Variants in GABRP observed in about 807,000 individuals in gnomAD.
GABRP encodes gamma-aminobutyric acid type A receptor subunit pi.
Under a neutral mutation model 47.8 loss-of-function variants are expected in GABRP, and 52 were observed. That is an observed-to-expected ratio of 1.09 (90% CI 0.87 to 1.37). The LOEUF (loss-of-function observed/expected upper bound fraction) is 1.37. GABRP is among the 40% of genes most tolerant of loss of function. GABRP has a pLI of 0.00. For synonymous variants in GABRP, 221 were observed against 205.8 expected (o/e 1.07, Z -0.63); for missense variants, 525 against 542.8 (o/e 0.97, Z 0.33).
intron 6 of GABRP, 118 bp from the exon 7 acceptor site, chr5:170,805,598 T>G: frequency 8.7e-7 from 1 of 1,149,294 alleles, no homozygotes; most frequent in African/African-American, 1.5e-5. Context: ...GGATTGTCCT[T>G]GGACTTATCA....
chr5:170,786,513 A>C (rs759681817), intron 1 of GABRP, among the ~76,000 whole-genome samples: 1 of 152,198 alleles, frequency 6.6e-6, no homozygotes. Context: ...GCCATTAGAG[A>C]GAATAAGGCG....
At chr5:170,800,323 C>T (rs953777721) in intron 6 of GABRP, among the ~76,000 whole-genome samples, 1 of 152,180 alleles carries the variant, frequency 6.6e-6, no homozygotes, top group Non-Finnish European at 1.5e-5. Flanking sequence ...CTTCCTTACA[C>T]CTTATATGAA....
At chr5:170,784,030 C>A (rs1326192126) in intron 1 of GABRP, among the ~76,000 whole-genome samples, 156 bp downstream of exon 1, 2 of 152,198 alleles carry the variant, frequency 1.3e-5, no homozygotes, top group East Asian at 1.9e-4. Context: ...AGCAGCAGAG[C>A]CAAGATTAGA....
At chr5:170,803,573 T>C (rs530169625) in intron 6 of GABRP, among the ~76,000 whole-genome samples, 2 of 152,268 alleles carry the variant, frequency 1.3e-5, no homozygotes, top group Admixed American at 6.5e-5. Flanking sequence ...AGTGCAACCA[T>C]CACCACATGT....
rs748426651 is a variant in GABRP, at chr5:170,805,857, A to T, written c.679+4A>T. 4 of 1,613,372 alleles carry T rather than the reference A, an allele frequency of 2.5e-6. No homozygotes were observed. ...ACCAGATCGCAGCAGGAGACAGGTA[A>T]CTCATGTGACAAACTGTATGAAATA... On this transcript the variant is annotated splice_donor_region_variant and intron_variant, in intron 7 of 9. Transcript: ENST00000265294.
At chr5:170,804,625 T>C (rs1581603808) in intron 6 of GABRP, among the ~76,000 whole-genome samples, 2 of 152,304 alleles carry the variant, frequency 1.3e-5, no homozygotes, top group Non-Finnish European at 1.5e-5. Context: ...TATCTTTTTG[T>C]TTGCTTATGA....
In GABRP at chr5:170,789,159, C is replaced by T. The variant is rs749901338; in HGVS notation, c.84C>T (p.Val28=). Residue 28 remains valine (V), a synonymous_variant, in exon 3 of 10, where the codon GTC becomes GTT. Transcript: ENST00000265294. The stretch of plus-strand genomic sequence containing the variant: ...GCATCCAGGGGAGTCAGTTCAACGT[C>T]GAGGTCGGCAGAAGTGACAAGCTTT... ...RMCIQGSQFN[V]EVGRSDKLSL... The T allele has an allele frequency of 3.1e-6, 5 of 1,614,092 alleles. No homozygotes were observed. Among genetic ancestry groups the T allele is most frequent in the South Asian group, 2.2e-5 (2 of 91,086 alleles).
At chr5:170,810,034 C>A (rs758381757) in intron 9 of GABRP, 21 of 696,830 alleles carry the variant, frequency 3.0e-5, no homozygotes, top group South Asian at 2.9e-4. Flanking sequence ...CAGGAGCAAG[C>A]ATCCATGAAG....
At chr5:170,783,424 A>T (rs1015558198), upstream of GABRP, among the ~76,000 whole-genome samples, 1 of 152,112 alleles carries the variant, frequency 6.6e-6, no homozygotes, top group East Asian at 1.9e-4. Flanking sequence ...GCTGTCCACC[A>T]AATTCAGAGC....
intron 6 of GABRP, among the ~76,000 whole-genome samples, chr5:170,802,582 A>T (rs183904726): frequency 6.6e-6 from 1 of 152,244 alleles, no homozygotes; most frequent in Non-Finnish European, 1.5e-5. Flanking sequence ...TCCCACATGG[A>T]AAAAGCTATT....
At chr5:170,782,942 T>C (rs1765044943), upstream of GABRP, 2 of 152,334 alleles carry the variant, frequency 1.3e-5, no homozygotes, top group Non-Finnish European at 2.9e-5. Flanking sequence ...CCACTGGCTA[T>C]GATGAGGGGA....
chr5:170,797,401 G>A (rs115893027), intron 5 of GABRP, 65 bp from the exon 6 acceptor site: 24 of 1,008,260 alleles, frequency 2.4e-5, no homozygotes, highest in African/African-American at 1.7e-4. Flanking sequence ...GTGGGCCTTC[G>A]AAGGAATGTG....
intron 3 of GABRP, 127 bp from the exon 4 acceptor site, chr5:170,794,104 A>C: frequency 2.0e-6 from 1 of 498,308 alleles, no homozygotes; most frequent in Non-Finnish European, 3.3e-6. Flanking sequence ...ATATTTATAG[A>C]ATATTTAAAT....
chr5:170,791,014 A>G (rs1290544641), intron 3 of GABRP, among the ~76,000 whole-genome samples: 2 of 152,180 alleles, frequency 1.3e-5, no homozygotes, highest in Non-Finnish European at 2.9e-5. Flanking sequence ...CCCAGGCCCT[A>G]CTGAACACGT....
chr5:170,809,737 G>A lies in GABRP; in HGVS notation c.1002G>A (p.Gln334=), dbSNP rs752212948. The A allele has an allele frequency of 6.3e-7, 1 of 1,597,976 alleles. No individual in the cohort carries two copies. The highest frequency in any genetic ancestry group is 8.5e-7 in the Non-Finnish European group (1 of 1,172,194). The change falls in exon 9 of 10, where the codon CAG becomes CAA. Residue 334 remains glutamine, a synonymous_variant. Coordinates refer to ENST00000265294, the MANE Select transcript of GABRP (RefSeq NM_014211.3). ...YAVAHYSSLQ[Q]MAAKDRGTTK... is the part of the protein sequence containing the mutation. Reference sequence around the variant, plus strand: ...TTGCTCACTACAGTTCCTTACAGCAGATGGCAGCCAAAGATAGGGTAAGAG... The same window carrying A: ...TTGCTCACTACAGTTCCTTACAGCAAATGGCAGCCAAAGATAGGGTAAGAG...
At chr5:170,787,646 G>T (rs554739050) in intron 1 of GABRP, among the ~76,000 whole-genome samples, 28 of 152,268 alleles carry the variant, frequency 1.8e-4, no homozygotes, top group South Asian at 8.3e-4. Flanking sequence ...TGGATTCAAA[G>T]TCTCCCCTGG....
intron 7 of GABRP, 78 bp from the exon 8 acceptor site, chr5:170,808,522 A>G: frequency 2.5e-6 from 3 of 1,219,696 alleles, no homozygotes; most frequent in Non-Finnish European, 3.5e-6. Flanking sequence ...CTTAATGTAC[A>G]TATAGTTAAG....
chr5:170,795,432 G>A lies in GABRP; in HGVS notation c.458+7G>A, dbSNP rs201186271. ...CGGTCCTGTATGCCCTCAGGTACGC[G>A]GACACCTGTGACCTCAGGGGTGGAG... On this transcript the variant is annotated splice_region_variant and intron_variant, in intron 5 of 9. Coordinates refer to ENST00000265294, the MANE Select transcript of GABRP (RefSeq NM_014211.3). The A allele has an allele frequency of 7.9e-5, 127 of 1,611,674 alleles. No homozygotes were observed. Among genetic ancestry groups the A allele is most frequent in the Admixed American group, 1.0e-4 (6 of 60,016 alleles).
At chr5:170,790,069 C>T (rs905117466) in intron 3 of GABRP, among the ~76,000 whole-genome samples, 1 of 152,134 alleles carries the variant, frequency 6.6e-6, no homozygotes, top group Non-Finnish European at 1.5e-5. Context: ...AGGCTGCAGC[C>T]CTAGAAGGAG....
Sources: allele counts gnomAD v4.1 joint callset (sites outside exome capture counted in the v4.1 genomes callset), GRCh38; gene constraint gnomAD v4.1.1; transcripts MANE v1.5; gene names NCBI Gene and HGNC (gene_info 2026-07-23, HGNC 2026-07-21).